Variants in CDH12 observed in about 807,000 individuals in gnomAD.
CDH12 encodes cadherin-12.
A neutral mutation model predicts 74.1 loss-of-function variants in CDH12; 41 were observed. The ratio of observed to expected loss-of-function variants is 0.55; its 90% confidence interval spans 0.43 to 0.72. The LOEUF (loss-of-function observed/expected upper bound fraction) is 0.72. Ranked by LOEUF, CDH12 falls within the 30% of genes least tolerant of loss-of-function variation. CDH12 has a pLI of 0.00. For synonymous variants in CDH12, 399 were observed against 355.0 expected (o/e 1.12, Z -1.39); for missense variants, 945 against 977.2 (o/e 0.97, Z 0.44).
intron 1 of CDH12, among the ~76,000 whole-genome samples, chr5:22,580,023 A>T (rs1740001635): frequency 6.6e-6 from 1 of 152,068 alleles, no homozygotes; most frequent in South Asian, 2.1e-4. Context: ...CATTAACTCT[A>T]GGTGAACATT....
chr5:22,188,603 T>C (rs1750099470), intron 4 of CDH12, among the ~76,000 whole-genome samples: 1 of 152,106 alleles, frequency 6.6e-6, no homozygotes, highest in Admixed American at 6.5e-5. Flanking sequence ...AACTGTCACC[T>C]ACCTACACCA....
At chr5:22,316,396 T>C (rs1274417107) in intron 3 of CDH12, among the ~76,000 whole-genome samples, 3 of 152,192 alleles carry the variant, frequency 2.0e-5, no homozygotes, top group African/African-American at 7.2e-5. Context: ...TGCCTTTGCA[T>C]TCTTCATATT....
At chr5:22,345,886 C>G (rs557441475) in intron 3 of CDH12, among the ~76,000 whole-genome samples, 31 of 152,100 alleles carry the variant, frequency 2.0e-4, no homozygotes, top group East Asian at 7.8e-4. Context: ...GGCGGATCGC[C>G]TGAGGTCAGG....
chr5:21,796,907 A>C (rs1746811594), intron 10 of CDH12, among the ~76,000 whole-genome samples: 1 of 152,142 alleles, frequency 6.6e-6, no homozygotes, highest in Non-Finnish European at 1.5e-5. Flanking sequence ...GATATACTTA[A>C]TCCAGTCTCG....
chr5:22,614,669 G>A (rs924040681), intron 1 of CDH12, among the ~76,000 whole-genome samples: 1 of 152,102 alleles, frequency 6.6e-6, no homozygotes, highest in Non-Finnish European at 1.5e-5. Context: ...GCATGAGATA[G>A]TGTGGTGGGG....
intron 3 of CDH12, among the ~76,000 whole-genome samples, chr5:22,336,116 G>A (rs973313061): frequency 2.0e-5 from 3 of 152,130 alleles, no homozygotes; most frequent in African/African-American, 7.2e-5. Flanking sequence ...GTGGCATTTT[G>A]CCCCTGTCCT....
intron 4 of CDH12, among the ~76,000 whole-genome samples, chr5:22,079,256 T>C (rs111500466): frequency 1.9e-3 from 292 of 152,286 alleles, no homozygotes; most frequent in African/African-American, 6.9e-3. Flanking sequence ...TTTTGTGCAT[T>C]TTAAGATTTC....
At chr5:22,790,767 T>A (rs1747867511) in intron 1 of CDH12, among the ~76,000 whole-genome samples, 1 of 152,154 alleles carries the variant, frequency 6.6e-6, no homozygotes, top group Admixed American at 6.6e-5. Context: ...TTGATGGAGC[T>A]GTTACGTAAA....
intron 6 of CDH12, among the ~76,000 whole-genome samples, chr5:21,873,295 T>C (rs1420159874): frequency 2.0e-5 from 3 of 151,986 alleles, no homozygotes; most frequent in African/African-American, 7.3e-5. Flanking sequence ...CCCAAATTCT[T>C]CCCCCTTTTT....
chr5:22,477,929 ACC>A (rs1746232426), intron 2 of CDH12, among the ~76,000 whole-genome samples: 1 of 152,134 alleles, frequency 6.6e-6, no homozygotes, highest in Non-Finnish European at 1.5e-5. Flanking sequence ...AAATGAGTTA[ACC>A]TTTCCATTAT....
chr5:22,177,470 T>C (rs1749405284), intron 4 of CDH12, among the ~76,000 whole-genome samples: 1 of 152,166 alleles, frequency 6.6e-6, no homozygotes, highest in South Asian at 2.1e-4. Flanking sequence ...GTAGATATAG[T>C]ATCAACTTAA....
intron 6 of CDH12, among the ~76,000 whole-genome samples, chr5:21,922,797 A>C (rs376952975): frequency 6.6e-6 from 1 of 152,112 alleles, no homozygotes; most frequent in Admixed American, 6.6e-5. Flanking sequence ...GGATTTCTCT[A>C]TCAGGATAAT....
rs544427246 is a variant in CDH12, at chr5:21,751,507, A to G, written c.*230T>C. On this transcript the variant is annotated 3_prime_UTR_variant, in exon 15 of 15. Transcript: ENST00000382254. ...AAACAACAAAACAAAGCAAGTACACATTATAGGATGTATCTCTTGTTGGCA... is the reference window on the plus strand; with the variant it reads ...AAACAACAAAACAAAGCAAGTACACGTTATAGGATGTATCTCTTGTTGGCA... 151 of 507,230 alleles carry G rather than the reference A, an allele frequency of 3.0e-4. 1 individual carries two copies. In the South Asian group the frequency reaches 3.8e-3, roughly 13 times the overall value. The allele number at this position is 507,230 out of a possible 1,614,324, so 31.4% of individuals were successfully genotyped here.
At chr5:22,453,579 GGT>G (rs1745139013) in intron 2 of CDH12, among the ~76,000 whole-genome samples, 1 of 152,048 alleles carries the variant, frequency 6.6e-6, no homozygotes, top group Admixed American at 6.6e-5. Flanking sequence ...CAGAGGCAGG[GGT>G]AGAGAGGTAG....
Position 22,660,919 on chromosome 5 carries a change from G to T in CDH12, c.-522-155555C>A, listed in dbSNP as rs188384953. 2.8e-3 allele frequency among the ~76,000 whole-genome samples: 427 copies of T among 152,142 alleles called. 4 individuals carry two copies. Among genetic ancestry groups the T allele is most frequent in the South Asian group, 7.0e-3 (34 of 4,824 alleles). On this transcript the variant is annotated intron_variant, in intron 1 of 14. Transcript: ENST00000382254. Reference sequence around the variant, plus strand: ...AACATTCATTGATTAAAAACACTTTGCTTTTTCAGGGTGAGAACAAACCCA... The same window carrying T: ...AACATTCATTGATTAAAAACACTTTTCTTTTTCAGGGTGAGAACAAACCCA...
At chr5:22,534,099 A>C (rs1737716054) in intron 1 of CDH12, among the ~76,000 whole-genome samples, 1 of 152,212 alleles carries the variant, frequency 6.6e-6, no homozygotes, top group South Asian at 2.1e-4. Flanking sequence ...CTCTTATGTT[A>C]AGAAAAATAT....
intron 3 of CDH12, among the ~76,000 whole-genome samples, chr5:22,273,506 CTTA>C (rs1216687930): frequency 6.6e-6 from 1 of 152,138 alleles, no homozygotes; most frequent in Non-Finnish European, 1.5e-5. Context: ...TTAATTAATT[CTTA>C]TATTAGCTTG....
intron 7 of CDH12, among the ~76,000 whole-genome samples, chr5:21,850,754 G>A (rs1750421912): frequency 6.6e-6 from 1 of 151,192 alleles, no homozygotes; most frequent in South Asian, 2.1e-4. Context: ...ATTTAGAACA[G>A]GATCACACAG....
At chr5:22,655,998 G>C (rs1740014673) in intron 1 of CDH12, among the ~76,000 whole-genome samples, 1 of 152,058 alleles carries the variant, frequency 6.6e-6, no homozygotes, top group Non-Finnish European at 1.5e-5. Context: ...AACAAATGCC[G>C]ATTTGGGACT....
Sources: allele counts gnomAD v4.1 joint callset (sites outside exome capture counted in the v4.1 genomes callset), GRCh38; gene constraint gnomAD v4.1.1; transcripts MANE v1.5; gene names NCBI Gene and HGNC (gene_info 2026-07-23, HGNC 2026-07-21).